The following ZNF540 variants were observed in gnomAD, a reference collection of about 807,000 sequenced individuals.
The protein encoded by ZNF540 is CTD-3064H18.6.
In ZNF540, 3 loss-of-function variants were observed where a neutral mutation model predicts 11.8. The observed-to-expected ratio is 0.25, with a 90% CI of 0.12 to 0.65. ZNF540 has a LOEUF of 0.65. Among genes scored for constraint, ZNF540 ranks in the 30% least tolerant of loss-of-function variants. ZNF540 has a pLI of 0.83. For synonymous variants in ZNF540, 247 were observed against 259.0 expected (o/e 0.95, Z 0.45); for missense variants, 709 against 793.1 (o/e 0.89, Z 1.27).
chr19:37,560,261 G>A (rs968718277), intron 1 of ZNF540: 3 of 151,394 alleles, frequency 2.0e-5, no homozygotes, highest in Non-Finnish European at 4.4e-5. Flanking sequence ...CTGGGTGACA[G>A]AATGAGGCTC....
At chr19:37,579,771 C>T (rs1021147200) in intron 1 of ZNF540, among the ~76,000 whole-genome samples, 9 of 152,220 alleles carry the variant, frequency 5.9e-5, no homozygotes, top group Non-Finnish European at 1.3e-4. Context: ...ATTACTCTCT[C>T]TCCCAGTACT....
chr19:37,599,161 T>C lies in ZNF540; in HGVS notation c.10-465T>C, dbSNP rs190943456. On this transcript the variant is annotated intron_variant, in intron 2 of 4. Transcript: ENST00000316433. ...CAACAGAGTGAGATCTCCGTCTCGATTGATCAATCGATTGATCGATAGATA... is the reference window on the plus strand; with the variant it reads ...CAACAGAGTGAGATCTCCGTCTCGACTGATCAATCGATTGATCGATAGATA... Among the ~76,000 whole-genome samples, 108 of 148,992 alleles carry C rather than the reference T, an allele frequency of 7.2e-4. 1 individual carries two copies. The highest frequency in any genetic ancestry group is 6.0e-3 in the South Asian group (28 of 4,658).
intron 1 of ZNF540, among the ~76,000 whole-genome samples, chr19:37,568,221 T>G (rs899999820): frequency 1.3e-5 from 2 of 151,892 alleles, no homozygotes; most frequent in African/African-American, 4.8e-5. Flanking sequence ...ATCAGTAAGC[T>G]CAAATTTAAA....
intron 1 of ZNF540, chr19:37,584,220 A>C (rs77105282): frequency 6.6e-6 from 9 of 1,368,050 alleles, no homozygotes; most frequent in Non-Finnish European, 8.1e-6. Flanking sequence ...TTGGTTGCCT[A>C]AACAGTAGTA....
intron 1 of ZNF540, among the ~76,000 whole-genome samples, chr19:37,556,618 G>A (rs2042662384): frequency 6.6e-6 from 1 of 152,222 alleles, no homozygotes; most frequent in African/African-American, 2.4e-5. Context: ...GGATTCGGAT[G>A]GGTTCCTTGA....
At chr19:37,601,551 T>C (rs970224036) in intron 4 of ZNF540, among the ~76,000 whole-genome samples, 2 of 152,214 alleles carry the variant, frequency 1.3e-5, no homozygotes, top group Non-Finnish European at 1.5e-5. Context: ...GGAATTAACA[T>C]TGTAGTAGCA....
chr19:37,604,129 AT>A (rs1379717224), intron 4 of ZNF540, among the ~76,000 whole-genome samples: 1 of 151,918 alleles, frequency 6.6e-6, no homozygotes, highest in African/African-American at 2.4e-5. Context: ...CGTCTATGAA[AT>A]TGTTTGCAAG....
chr19:37,612,698 G>A lies in ZNF540; in HGVS notation c.1418G>A (p.Gly473Glu). 6.2e-7 allele frequency: 1 copy of A among 1,614,098 alleles called. No individual in the cohort carries two copies. Among genetic ancestry groups the A allele is most frequent in the Non-Finnish European group, 8.5e-7 (1 of 1,179,988 alleles). ...AAGCCCTACGAATGTAAGGAATGTGGGAAGACCTTTCGAGTTCGTTCTCAA... is the reference window on the plus strand; with the variant it reads ...AAGCCCTACGAATGTAAGGAATGTGAGAAGACCTTTCGAGTTCGTTCTCAA... ...GVKPYECKEC[G>E]KTFRVRSQIS... is the part of the protein sequence containing the mutation. The change falls in exon 5 of 5, where the codon GGG becomes GAG. Residue 473 changes from glycine (G) to glutamate (E), a missense_variant. Physicochemically the swap from Gly to Glu is moderately conservative, Grantham distance 98. Transcript: ENST00000316433.
chr19:37,556,082 T>C (rs771370347), intron 1 of ZNF540: 3 of 702,736 alleles, frequency 4.3e-6, no homozygotes, highest in Non-Finnish European at 7.8e-6. Context: ...TCCTGGAGTG[T>C]CCAAATCCTG....
intron 1 of ZNF540, among the ~76,000 whole-genome samples, chr19:37,574,090 G>T (rs1034457466): frequency 1.3e-5 from 2 of 152,066 alleles, no homozygotes; most frequent in Admixed American, 6.6e-5. Context: ...TTCGTACCCT[G>T]AATGATGAAA....
rs769163050 is a variant in ZNF540 at position 37,604,296 on chromosome 19, CTTTTTTT to C, written c.232+3214_232+3220del. Among the ~76,000 whole-genome samples, 580 of 75,230 alleles carry C rather than the reference CTTTTTTT, an allele frequency of 7.7e-3. 10 individuals are homozygous for C. The highest frequency in any genetic ancestry group is 0.029 in the African/African-American group (545 of 18,822). 49.4% of individuals were successfully genotyped at this position (75,230 alleles called of 152,430 possible). A position where few individuals can be genotyped will look rare whatever the true frequency, so the allele number is the denominator to read the frequency against. ...CATAGAGCTTTGGAAAATAGCCTTACTTTTTTTTTTTTTTTTTTTTTTTTTTTTTAAG... is the reference window on the plus strand; with the variant it reads ...CATAGAGCTTTGGAAAATAGCCTTACTTTTTTTTTTTTTTTTTTTTTTAAG... On this transcript the variant is annotated intron_variant, in intron 4 of 4. Coordinates refer to ENST00000316433, the MANE Select transcript of ZNF540 (RefSeq NM_001172225.3).
chr19:37,606,211 A>G (rs1016157034), intron 4 of ZNF540, among the ~76,000 whole-genome samples: 3 of 152,220 alleles, frequency 2.0e-5, no homozygotes, highest in African/African-American at 7.2e-5. Context: ...TTAACTTAGC[A>G]TAATGTTCTG....
intron 1 of ZNF540, among the ~76,000 whole-genome samples, chr19:37,572,597 G>A (rs1600482904): frequency 6.6e-6 from 1 of 152,184 alleles, no homozygotes; most frequent in Non-Finnish European, 1.5e-5. Flanking sequence ...GCCTTGGAAT[G>A]TATACGCCGC....
In ZNF540 at chr19:37,603,071, G is replaced by A. The variant is rs142774549; in HGVS notation, c.232+1966G>A. On this transcript the variant is annotated intron_variant, in intron 4 of 4. Transcript: ENST00000316433. ...TGCCTAGGCTGCAGTGCAATGGCAT[G>A]ATCTCGGCTCACTGCAACCTCCACC... Among the ~76,000 whole-genome samples the A allele has an allele frequency of 5.1e-4, 69 of 135,996 alleles. No individual in the cohort carries two copies. The East Asian group carries it at 0.016, about 31-fold the overall frequency. 89.2% of individuals were successfully genotyped at this position (135,996 alleles called of 152,430 possible).
In ZNF540 at chr19:37,612,165, T is replaced by C; in HGVS notation, c.885T>C (p.Gly295=). The change falls in exon 5 of 5, where the codon GGT becomes GGC. Residue 295 remains glycine, a synonymous_variant. Transcript: ENST00000316433. ...CTCAACATAAAAGAATTCATACTGG[T>C]AAGAAATCTTATGAATGTAAAGAAT... The part of the protein sequence containing the change: ...ELTQHKRIHT[G]KKSYECKECG... The C allele has an allele frequency of 6.2e-7, 1 of 1,611,678 alleles. No individual in the cohort carries two copies. The highest frequency in any genetic ancestry group is 8.5e-7 in the Non-Finnish European group (1 of 1,179,670).
chr19:37,599,555 T>C (rs2044023069), intron 2 of ZNF540, 71 bp from the exon 3 acceptor site: 1 of 1,595,136 alleles, frequency 6.3e-7, no homozygotes, highest in African/African-American at 1.3e-5. Context: ...TGAAACCTTT[T>C]ATCTCCTTTT....
rs1301258725 is a variant in ZNF540 at position 37,611,994 on chromosome 19, T to C, written c.714T>C (p.Thr238=). The change falls in exon 5 of 5, where the codon ACT becomes ACC. Residue 238 remains threonine (T), a synonymous_variant. Transcript: ENST00000316433. ...YQLTLHQRFH[T]GEKPYECQEC... is the part of the protein sequence containing the mutation. ...TTACTCTGCATCAGAGATTTCATAC[T>C]GGTGAGAAACCCTATGAATGTCAAG... The C allele has an allele frequency of 1.2e-6, 2 of 1,613,738 alleles. No individual in the cohort carries two copies. The highest frequency in any genetic ancestry group is 2.2e-5 in the South Asian group (2 of 91,062).
chr19:37,570,518 T>C (rs1391795180), intron 1 of ZNF540, among the ~76,000 whole-genome samples: 3 of 152,334 alleles, frequency 2.0e-5, no homozygotes, highest in Admixed American at 2.0e-4. Flanking sequence ...TCTACAAATA[T>C]TCCTAATCAT....
At chr19:37,571,663 A>G (rs2043056861) in intron 1 of ZNF540, among the ~76,000 whole-genome samples, 1 of 152,234 alleles carries the variant, frequency 6.6e-6, no homozygotes, top group African/African-American at 2.4e-5. Context: ...CCAAGGGGTT[A>G]CACAGAACTA....
Sources: allele counts gnomAD v4.1 joint callset (sites outside exome capture counted in the v4.1 genomes callset), GRCh38; gene constraint gnomAD v4.1.1; transcripts MANE v1.5; gene names NCBI Gene and HGNC (gene_info 2026-07-23, HGNC 2026-07-21).